Variants in PCIF1 observed in about 807,000 individuals in gnomAD.
PCIF1 encodes mRNA (2'-O-methyladenosine-N(6)-)-methyltransferase.
In PCIF1, 12 loss-of-function variants were observed where a neutral mutation model predicts 86.9. The ratio of observed to expected loss-of-function variants is 0.14; its 90% confidence interval spans 0.09 to 0.22. The LOEUF (loss-of-function observed/expected upper bound fraction) is 0.22, where lower values mean the gene tolerates loss of function less well. Among genes scored for constraint, PCIF1 ranks in the 10% least tolerant of loss-of-function variants. The probability of loss-of-function intolerance (pLI) is 1.00; values close to 1 mark genes in which losing one functional copy is unlikely to be tolerated. For missense variants in PCIF1, 701 were observed against 951.1 expected (o/e 0.74, Z 3.46); for synonymous variants, 397 against 372.0 (o/e 1.07, Z -0.77).
Position 45,947,714 on chromosome 20 carries a change from GGCCGTGAGCAGGGTCCTA to G in PCIF1, c.2079_2096del (p.Glu694_Arg699del). On this transcript the variant is annotated inframe_deletion, in exon 17 of 17. Coordinates refer to ENST00000372409, the MANE Select transcript of PCIF1 (RefSeq NM_022104.4). This position sits in a 1 kb window ranked among gnomAD's most constrained non-coding sequence, Gnocchi z 5.4. ...CTCGGAGGCCAAGGACCGGGACTCG[GGCCGTGAGCAGGGTCCTA>G]GCCGCGAGCCTCACCCCACTTAACA... The G allele has an allele frequency of 6.2e-7, 1 of 1,606,654 alleles. No homozygotes were observed. Among genetic ancestry groups the G allele is most frequent in the South Asian group, 1.1e-5 (1 of 90,854 alleles).
intron 1 of PCIF1, among the ~76,000 whole-genome samples, chr20:45,935,556 C>T (rs1484077817): frequency 3.3e-5 from 5 of 152,104 alleles, no homozygotes; most frequent in Admixed American, 6.5e-5. Flanking sequence ...GTTTATAAGC[C>T]GGAAAGCAGA....
rs142489010 is a variant in PCIF1, at chr20:45,939,315, C to A, written c.225C>A (p.Pro75=). Residue 75 remains proline, a synonymous_variant, in exon 4 of 17, where the codon CCC becomes CCA. Coordinates refer to ENST00000372409, the MANE Select transcript of PCIF1 (RefSeq NM_022104.4). ...CCAACCAGTCCCTGTGGGAGATGCC[C>A]GTGCTGGGGCAGCACGATGTGATTG... ...RFTNQSLWEM[P]VLGQHDVISD... is the part of the protein sequence containing the mutation. 6.2e-7 allele frequency: 1 copy of A among 1,613,664 alleles called. No homozygotes were observed. The highest frequency in any genetic ancestry group is 8.5e-7 in the Non-Finnish European group (1 of 1,180,008).
Position 45,939,404 on chromosome 20 carries a change from G to A in PCIF1, c.249+65G>A, listed in dbSNP as rs542239187. ...TCTGGCACCTGGGCCTTCCCCAAAT[G>A]TACCCTGAGCAGCCGTTCAGTGCCC... On this transcript the variant is annotated intron_variant, in intron 4 of 16. Transcript: ENST00000372409. 232 of 1,601,554 alleles carry A rather than the reference G, an allele frequency of 1.4e-4. 4 individuals carry two copies. The South Asian group carries it at 2.3e-3, about 16-fold the overall frequency.
At chr20:45,941,485 G>A (rs952082909) in intron 7 of PCIF1, among the ~76,000 whole-genome samples, 1 of 152,152 alleles carries the variant, frequency 6.6e-6, no homozygotes, top group Non-Finnish European at 1.5e-5. Context: ...ATGGAGTCTT[G>A]TTCTGTAGCC....
At chr20:45,940,408 G>C in intron 4 of PCIF1, 67 bp from the exon 5 acceptor site, 1 of 1,499,834 alleles carries the variant, frequency 6.7e-7, no homozygotes, top group South Asian at 1.3e-5. Context: ...AGGGCGTGAG[G>C]ATTCAAAGTC....
chr20:45,943,558 A>G lies in PCIF1; in HGVS notation c.906-108A>G. 1.5e-6 allele frequency: 2 copies of G among 1,353,420 alleles called. No individual in the cohort carries two copies. Among genetic ancestry groups the G allele is most frequent in the Non-Finnish European group, 2.1e-6 (2 of 974,340 alleles). The allele number at this position is 1,353,420 out of a possible 1,614,324, so 83.8% of individuals were successfully genotyped here. On this transcript the variant is annotated intron_variant, in intron 9 of 16. Coordinates refer to ENST00000372409, the MANE Select transcript of PCIF1 (RefSeq NM_022104.4). This position sits in a 1 kb window ranked among gnomAD's most constrained non-coding sequence, Gnocchi z 5.5. ...TGGGGCCAGCTCCCAAAGGCAGAAC[A>G]AGGGCTGTGATGGAAGCTAGGGGTT...
Position 45,943,519 on chromosome 20 carries a change from C to A in PCIF1, c.905+96C>A. On this transcript the variant is annotated intron_variant, in intron 9 of 16. Coordinates refer to ENST00000372409, the MANE Select transcript of PCIF1 (RefSeq NM_022104.4). The surrounding 1 kb of genome is among the most constrained non-coding windows in gnomAD (Gnocchi z 5.5). The stretch of plus-strand genomic sequence containing the variant: ...AGTCTCATGCAGGGCTGTCATTGCT[C>A]TCGGTGGCAGAAGTGGGGCCAGCTC... 7.2e-7 allele frequency: 1 copy of A among 1,385,290 alleles called. No individual in the cohort carries two copies. The highest frequency in any genetic ancestry group is 1.0e-6 in the Non-Finnish European group (1 of 999,688). The allele number at this position is 1,385,290 out of a possible 1,614,324, so 85.8% of individuals were successfully genotyped here.
chr20:45,939,425 T>C, intron 4 of PCIF1, 86 bp downstream of exon 4: 1 of 1,571,170 alleles, frequency 6.4e-7, no homozygotes, highest in Non-Finnish European at 8.6e-7. Context: ...AGCCGTTCAG[T>C]GCCCAGCCCT....
chr20:45,946,361 A>G lies in PCIF1; in HGVS notation c.1590A>G (p.Thr530=). Residue 530 remains threonine (T), a synonymous_variant, in exon 14 of 17, where the codon ACA becomes ACG. Coordinates refer to ENST00000372409, the MANE Select transcript of PCIF1 (RefSeq NM_022104.4). ...AGTACTGTTCTGCCTTCCCCGACAC[A>G]GACGGCTACTTTGGCTCCCGCGGGT... is the stretch of plus-strand genomic sequence containing the variant. ...FRQYCSAFPD[T]DGYFGSRGPC... 6.2e-7 allele frequency: 1 copy of G among 1,613,746 alleles called. No individual in the cohort carries two copies. Among genetic ancestry groups the G allele is most frequent in the East Asian group, 2.2e-5 (1 of 44,886 alleles).
chr20:45,939,614 G>A (rs2083453455), intron 4 of PCIF1, among the ~76,000 whole-genome samples: 1 of 152,252 alleles, frequency 6.6e-6, no homozygotes, highest in Non-Finnish European at 1.5e-5. Flanking sequence ...CGGTCGCAGA[G>A]CACCCATGGG....
At chr20:45,939,473 A>G (rs2083452065) in intron 4 of PCIF1, 134 bp downstream of exon 4, 1 of 1,306,606 alleles carries the variant, frequency 7.7e-7, no homozygotes, top group Non-Finnish European at 1.1e-6. Flanking sequence ...AGCAAGACAG[A>G]CACAGCCCCT....
In PCIF1 at chr20:45,946,190, C is replaced by T. The variant is rs1254019199; in HGVS notation, c.1429-10C>T. The T allele has an allele frequency of 1.2e-6, 2 of 1,614,162 alleles. No individual in the cohort carries two copies. The highest frequency in any genetic ancestry group is 1.7e-6 in the Non-Finnish European group (2 of 1,180,022). On this transcript the variant is annotated splice_polypyrimidine_tract_variant and intron_variant, in intron 13 of 16. Transcript: ENST00000372409. ...GTGAGCCCCAGGTGCTGACGGTGGC[C>T]ACTCCGCAGATGATGTTCGGCGTGG... is the stretch of plus-strand genomic sequence containing the variant.
At position 45,943,210 on chromosome 20, in the gene PCIF1, A is replaced by G; in HGVS notation, c.787A>G (p.Met263Val). 1 of 1,614,122 alleles carries G rather than the reference A, an allele frequency of 6.2e-7. No individual in the cohort carries two copies. Among genetic ancestry groups the G allele is most frequent in the Non-Finnish European group, 8.5e-7 (1 of 1,180,036 alleles). The change falls in exon 8 of 17, where the codon ATG becomes GTG. Residue 263 changes from methionine (M) to valine (V), a missense_variant. Physicochemically the swap from Met to Val is conservative, Grantham distance 21. This residue lies in a region of PCIF1 where 129 missense variants were observed against 245.9 expected (regional missense o/e 0.52). Transcript: ENST00000372409. The surrounding 1 kb of genome is among the most constrained non-coding windows in gnomAD (Gnocchi z 5.5). ...CTGTGAACCAGTCGTGTCACCTTCC[A>G]TGTTTCGTGAAATCATGAACGACAT... ...SNCEPVVSPS[M>V]FREIMNDIPI... is the part of the protein sequence containing the mutation.
chr20:45,943,406 G>T lies in PCIF1; in HGVS notation c.888G>T (p.Arg296Ser). 1.9e-6 allele frequency: 3 copies of T among 1,613,450 alleles called. No individual in the cohort carries two copies. Among genetic ancestry groups the T allele is most frequent in the Non-Finnish European group, 2.5e-6 (3 of 1,179,936 alleles). Residue 296 changes from arginine to serine, a missense_variant, in exon 9 of 17, where the codon AGG becomes AGT. Arg to Ser is a moderately radical substitution (Grantham distance 110). Around this residue, in one of 7 missense-constraint regions of PCIF1, gnomAD observed 129 missense variants for 245.9 expected, o/e 0.52. Coordinates refer to ENST00000372409, the MANE Select transcript of PCIF1 (RefSeq NM_022104.4). This position sits in a 1 kb window ranked among gnomAD's most constrained non-coding sequence, Gnocchi z 5.5. ...TCTTTAAATATGCGGAGGCCGCCAG[G>T]CGGCTCATCGAGTCCAGGTTTGCCT... ...RLLFKYAEAARRLIESRSASP... is the reference protein window; with the variant it reads ...RLLFKYAEAASRLIESRSASP...
At position 45,945,704 on chromosome 20, in the gene PCIF1, C is replaced by T; in HGVS notation, c.1169-7C>T. 1 of 1,610,688 alleles carries T rather than the reference C, an allele frequency of 6.2e-7. No homozygotes were observed. The highest frequency in any genetic ancestry group is 1.1e-5 in the South Asian group (1 of 90,982). ...GTGTGGTCCCTCACTGCTCTCCCTG[C>T]CCACAGAGGAGGTGGAGGCCCCTGA... On this transcript the variant is annotated splice_region_variant and splice_polypyrimidine_tract_variant and intron_variant, in intron 11 of 16. Coordinates refer to ENST00000372409, the MANE Select transcript of PCIF1 (RefSeq NM_022104.4).
In PCIF1 at chr20:45,934,756, C is replaced by T. The variant is rs1032129830; in HGVS notation, c.-236C>T. On this transcript the variant is annotated 5_prime_UTR_variant, in exon 1 of 17. Transcript: ENST00000372409. ...GGCGAGGCGGAGGCGGCAAAACGGG[C>T]GGTCGAGCAGAACGTGTAGCCGCGT... 3 of 398,748 alleles carry T rather than the reference C, an allele frequency of 7.5e-6. No homozygotes were observed. Among genetic ancestry groups the T allele is most frequent in the Non-Finnish European group, 1.3e-5 (3 of 226,080 alleles). 24.7% of individuals were successfully genotyped at this position (398,748 alleles called of 1,614,324 possible). A position where few individuals can be genotyped will look rare whatever the true frequency, so the allele number is the denominator to read the frequency against.
At chr20:45,940,665 G>GCCTGCAGGCTC in intron 5 of PCIF1, 53 bp downstream of exon 5, 1 of 1,575,370 alleles carries the variant, frequency 6.3e-7, no homozygotes. Flanking sequence ...CAGACGGGCC[G>GCCTGCAGGCTC]CCTGCAGGCT....
chr20:45,944,856 T>C lies in PCIF1; in HGVS notation c.1006-12T>C. Reference sequence around the variant, plus strand: ...CCTCCACTAGCGCCCTGATCCAGAATGTGTCCTCTAGGATCGCCTGGAGCA... The same window carrying C: ...CCTCCACTAGCGCCCTGATCCAGAACGTGTCCTCTAGGATCGCCTGGAGCA... On this transcript the variant is annotated splice_polypyrimidine_tract_variant and intron_variant, in intron 10 of 16. Transcript: ENST00000372409. The C allele has an allele frequency of 1.2e-6, 2 of 1,608,886 alleles. No individual in the cohort carries two copies. Among genetic ancestry groups the C allele is most frequent in the African/African-American group, 1.3e-5 (1 of 74,974 alleles).
intron 11 of PCIF1, 60 bp downstream of exon 11, chr20:45,945,090 A>G: frequency 6.6e-7 from 1 of 1,509,554 alleles, no homozygotes; most frequent in Non-Finnish European, 8.9e-7. Flanking sequence ...CCCTGATGGA[A>G]GGGACAAGTG....
Sources: gnomAD v4.1 joint callset for allele counts (sites outside exome capture counted in the v4.1 genomes callset) on GRCh38, gnomAD v4.1.1 for gene constraint, gnomAD v4.1.1 regional missense constraint, Gnocchi (gnomAD v3.1) non-coding constraint, MANE v1.5 for transcripts, NCBI Gene and HGNC (gene_info 2026-07-23, HGNC 2026-07-21) for gene names.